The following ZFC3H1 variants were observed in gnomAD, a reference collection of about 807,000 sequenced individuals.
ZFC3H1 encodes the protein zinc finger C3H1-type containing, also known as zinc finger C3H1 domain-containing protein.
In ZFC3H1, 71 loss-of-function variants were observed where a neutral mutation model predicts 243.7. The observed-to-expected ratio is 0.29, with a 90% CI of 0.24 to 0.36. The LOEUF (loss-of-function observed/expected upper bound fraction) is 0.36, where lower values mean the gene tolerates loss of function less well. Ranked by LOEUF, ZFC3H1 falls within the 10% of genes least tolerant of loss-of-function variation. ZFC3H1 has a pLI of 1.00. For synonymous variants in ZFC3H1, 838 were observed against 813.0 expected, an observed-to-expected ratio of 1.03 and a Z score of -0.52; for missense variants, 1,966 against 2,317.1, an observed-to-expected ratio of 0.85 and a Z score of 3.11.
rs149187335 is a variant in ZFC3H1 at position 71,632,053 on chromosome 12, T to A, written c.3279A>T (p.Lys1093Asn). The A allele has an allele frequency of 1.9e-6, 3 of 1,609,636 alleles. No individual in the cohort carries two copies. The highest frequency in any genetic ancestry group is 1.7e-6 in the Non-Finnish European group (2 of 1,178,844). Residue 1093 changes from lysine to asparagine, a missense_variant, in exon 15 of 35, where the codon AAA (lysine) becomes AAT (asparagine). Lys to Asn is a moderately conservative substitution (Grantham distance 94). This residue lies in a region of ZFC3H1 where 1,383 missense variants were observed against 1,723.7 expected (regional missense o/e 0.80). Coordinates refer to ENST00000378743, the MANE Select transcript of ZFC3H1 (RefSeq NM_144982.5). ...FLGLKIGELQ[K>N]LYSKADSLKQ... ...TTAGGCTGTCAGCTTTTGAATACAA[T>A]TTTTGCAATTCACCAATTTTTAACC...
At chr12:71,621,585 T>G (rs1880030373) in intron 24 of ZFC3H1, among the ~76,000 whole-genome samples, 1 of 152,146 alleles carries the variant, frequency 6.6e-6, no homozygotes, top group Non-Finnish European at 1.5e-5. Context: ...GGATTACAGA[T>G]GTGAGGCACC....
In ZFC3H1 at chr12:71,632,469, T is replaced by C. The variant is rs1200174301; in HGVS notation, c.2863A>G (p.Arg955Gly). Residue 955 changes from arginine (R) to glycine (G), a missense_variant, in exon 15 of 35, where the codon AGA becomes GGA. Around this residue, in one of 4 missense-constraint regions of ZFC3H1, gnomAD observed 1,383 missense variants for 1,723.7 expected, o/e 0.80. Transcript: ENST00000378743. The stretch of plus-strand genomic sequence containing the variant: ...GCAATTAGTTCTGCTGAATGCTTTC[T>C]TGGACTTGATACTGGAGAACTGTCC... ...RLDSSPVSSP[R>G]KHSAELIAME... 145 of 1,597,618 alleles carry C rather than the reference T, an allele frequency of 9.1e-5. No individual in the cohort carries two copies. The highest frequency in any genetic ancestry group is 1.2e-4 in the Non-Finnish European group (144 of 1,178,030).
rs1249922821 is a variant in ZFC3H1 at position 71,619,956 on chromosome 12, A to G, written c.5019T>C (p.Phe1673=). Reference sequence around the variant, plus strand: ...AGATGAAGAATTTGCACATATGATAAAAAACCTCTGCATTCTGAGGATTTT... The same window carrying G: ...AGATGAAGAATTTGCACATATGATAGAAAACCTCTGCATTCTGAGGATTTT... ...FEKNPQNAEV[F]YHMCKFFILQ... The change falls in exon 26 of 35, where the codon TTT becomes TTC. Residue 1673 remains phenylalanine, a synonymous_variant. Coordinates refer to ENST00000378743, the MANE Select transcript of ZFC3H1 (RefSeq NM_144982.5). 4.4e-6 allele frequency: 7 copies of G among 1,597,702 alleles called. No homozygotes were observed. The highest frequency in any genetic ancestry group is 6.0e-6 in the Non-Finnish European group (7 of 1,170,296).
At chr12:71,642,803 T>C (rs1264264807) in intron 5 of ZFC3H1, among the ~76,000 whole-genome samples, 9 of 152,148 alleles carry the variant, frequency 5.9e-5, no homozygotes, top group Non-Finnish European at 1.5e-5. Context: ...AAATCCCCCA[T>C]TGTTAGCTGA....
chr12:71,624,273 G>A lies in ZFC3H1; in HGVS notation c.4337C>T (p.Thr1446Ile). 2 of 1,611,086 alleles carry A rather than the reference G, an allele frequency of 1.2e-6. No individual in the cohort carries two copies. Among genetic ancestry groups the A allele is most frequent in the Non-Finnish European group, 1.7e-6 (2 of 1,178,388 alleles). ...ACATACGTAATCCTTTTCTTCAAAG[G>A]TACTTTCTAGGTGTAGAAACTGCCC... ...SFWTFLHLES[T>I]FEEKDYVCER... Residue 1446 changes from threonine to isoleucine, a missense_variant, in exon 23 of 35, where the codon ACC becomes ATC. Around this residue, in one of 4 missense-constraint regions of ZFC3H1, gnomAD observed 1,383 missense variants for 1,723.7 expected, o/e 0.80. Coordinates refer to ENST00000378743, the MANE Select transcript of ZFC3H1 (RefSeq NM_144982.5).
intron 20 of ZFC3H1, among the ~76,000 whole-genome samples, chr12:71,628,187 C>T (rs1283166568): frequency 6.6e-6 from 1 of 152,146 alleles, no homozygotes; most frequent in Non-Finnish European, 1.5e-5. Flanking sequence ...TATTTTAAGG[C>T]TAAGTGACAT....
At chr12:71,629,850 G>T in intron 18 of ZFC3H1, 140 bp from the exon 19 acceptor site, 1 of 578,316 alleles carries the variant, frequency 1.7e-6, no homozygotes, top group Non-Finnish European at 3.1e-6. Flanking sequence ...ATTTGAAAGG[G>T]CAAAGCCTGT....
chr12:71,661,832 G>C (rs1053099131), intron 1 of ZFC3H1, among the ~76,000 whole-genome samples: 2 of 152,100 alleles, frequency 1.3e-5, no homozygotes, highest in African/African-American at 4.8e-5. Flanking sequence ...CCCAACTTTT[G>C]GTTGCAGAAG....
At chr12:71,617,890 A>T (rs189576462) in intron 27 of ZFC3H1, among the ~76,000 whole-genome samples, 1 of 152,356 alleles carries the variant, frequency 6.6e-6, no homozygotes, top group East Asian at 1.9e-4. Flanking sequence ...ACTGGCTACC[A>T]TAAGAGGACA....
At chr12:71,626,613 T>C (rs911440493) in intron 21 of ZFC3H1, among the ~76,000 whole-genome samples, 167 bp from the exon 22 acceptor site, 3 of 152,222 alleles carry the variant, frequency 2.0e-5, no homozygotes, top group African/African-American at 4.8e-5. Context: ...TTAAATCACA[T>C]GCCTAAAAGT....
chr12:71,619,285 C>T, intron 27 of ZFC3H1, 30 bp downstream of exon 27: 1 of 1,596,282 alleles, frequency 6.3e-7, no homozygotes, highest in South Asian at 1.1e-5. Context: ...CTCTCTCATT[C>T]CTCTACAAAC....
chr12:71,621,795 T>G (rs893197192), intron 24 of ZFC3H1, among the ~76,000 whole-genome samples: 1 of 151,972 alleles, frequency 6.6e-6, no homozygotes, highest in South Asian at 2.1e-4. Flanking sequence ...TCCCTGACAT[T>G]TAATCTTCAA....
Position 71,663,381 on chromosome 12 carries a change from G to C in ZFC3H1, c.230C>G (p.Ser77Cys). The C allele has an allele frequency of 6.2e-7, 1 of 1,612,490 alleles. No individual in the cohort carries two copies. Among genetic ancestry groups the C allele is most frequent in the Non-Finnish European group, 8.5e-7 (1 of 1,180,022 alleles). Residue 77 changes from serine to cysteine, a missense_variant, in exon 1 of 35, where the codon TCC becomes TGC. This residue lies in a region of ZFC3H1 where 484 missense variants were observed against 449.7 expected (regional missense o/e 1.08). Transcript: ENST00000378743. ...ATTCCTCAGCTGCTGCTGAGAAGAG[G>C]ACGATGACGAGGAAGAGCCACCGCC... is the stretch of plus-strand genomic sequence containing the variant. ...GGGGGSSSSSSSSQQQLRNFS... is the reference protein window; with the variant it reads ...GGGGGSSSSSCSSQQQLRNFS...
rs770478389 is a variant in ZFC3H1 at position 71,663,305 on chromosome 12, G to A, written c.306C>T (p.Ser102=). 7 of 1,613,412 alleles carry A rather than the reference G, an allele frequency of 4.3e-6. No individual in the cohort carries two copies. In the South Asian group the frequency reaches 7.7e-5, roughly 18 times the overall value. ...ASERGHLRGP[S]SYRPKEPFRS... is the part of the protein sequence containing the mutation. ...GGAACGGTTCTTTGGGTCGGTAGCT[G>A]CTGGGTCCCCTGAGGTGGCCCCGCT... Residue 102 remains serine (S), a synonymous_variant, in exon 1 of 35, where the codon AGC becomes AGT. Transcript: ENST00000378743.
At chr12:71,629,091 AT>A in intron 19 of ZFC3H1, 54 bp from the exon 20 acceptor site, 1 of 1,399,200 alleles carries the variant, frequency 7.1e-7, no homozygotes, top group Admixed American at 2.3e-5. Flanking sequence ...TTTTTTTAAC[AT>A]TTTGAAGGAT....
In ZFC3H1 at chr12:71,610,402, G is replaced by T; in HGVS notation, c.*26C>A. 6.2e-7 allele frequency: 1 copy of T among 1,608,984 alleles called. No individual in the cohort carries two copies. Among genetic ancestry groups the T allele is most frequent in the South Asian group, 1.1e-5 (1 of 90,350 alleles). ...AAATAATTTTGGCAATTATTATAAG[G>T]ACTTAGAACTGACTGCACCCAGTGT... On this transcript the variant is annotated 3_prime_UTR_variant, in exon 35 of 35. Transcript: ENST00000378743.
rs1880336322 is a variant in ZFC3H1, at chr12:71,632,069, A to G, written c.3263T>C (p.Ile1088Thr). 16 of 1,609,522 alleles carry G rather than the reference A, an allele frequency of 9.9e-6. No homozygotes were observed. Among genetic ancestry groups the G allele is most frequent in the Non-Finnish European group, 1.4e-5 (16 of 1,178,852 alleles). Reference protein sequence around the residue: ...EKPELFLGLKIGELQKLYSKA... With the variant: ...EKPELFLGLKTGELQKLYSKA... ...TGAATACAATTTTTGCAATTCACCAATTTTTAACCCTAGAAAAAGTTCTGG... is the reference window on the plus strand; with the variant it reads ...TGAATACAATTTTTGCAATTCACCAGTTTTTAACCCTAGAAAAAGTTCTGG... Residue 1088 changes from isoleucine (I) to threonine (T), a missense_variant, in exon 15 of 35, where the codon ATT becomes ACT. This residue lies in a region of ZFC3H1 where 1,383 missense variants were observed against 1,723.7 expected (regional missense o/e 0.80). Transcript: ENST00000378743.
Position 71,629,046 on chromosome 12 carries a change from G to C in ZFC3H1, c.3827-9C>G, listed in dbSNP as rs1364597151. On this transcript the variant is annotated splice_polypyrimidine_tract_variant and intron_variant, in intron 19 of 34. Transcript: ENST00000378743. ...GGTTGTAAATGGAGGAGCTAAAGTAGATAGGAGAAGATTGTTAATTGATAT... is the reference window on the plus strand; with the variant it reads ...GGTTGTAAATGGAGGAGCTAAAGTACATAGGAGAAGATTGTTAATTGATAT... 2 of 1,579,044 alleles carry C rather than the reference G, an allele frequency of 1.3e-6. No homozygotes were observed. The highest frequency in any genetic ancestry group is 2.3e-5 in the East Asian group (1 of 44,332).
chr12:71,650,248 C>T (rs974834748), intron 2 of ZFC3H1, among the ~76,000 whole-genome samples: 5 of 152,044 alleles, frequency 3.3e-5, no homozygotes, highest in Non-Finnish European at 7.4e-5. Context: ...TGCACTCCAG[C>T]CTGGGCAACA....
Sources: gnomAD v4.1 joint callset for allele counts (sites outside exome capture counted in the v4.1 genomes callset) on GRCh38, gnomAD v4.1.1 for gene constraint, gnomAD v4.1.1 regional missense constraint, MANE v1.5 for transcripts, NCBI Gene and HGNC (gene_info 2026-07-23, HGNC 2026-07-21) for gene names.